Variants in CSMD3 observed in about 807,000 individuals in gnomAD.
The protein encoded by CSMD3 is CUB and sushi domain-containing protein 3.
Under a neutral mutation model 435.2 loss-of-function variants are expected in CSMD3, and 177 were observed. That is an observed-to-expected ratio of 0.41 (90% CI 0.36 to 0.46). The LOEUF is 0.46. CSMD3 is among the 20% of genes least tolerant of loss of function. The pLI is 0.34. For missense variants in CSMD3, 4,265 were observed against 4,504.6 expected (o/e 0.95, Z 1.52); for synonymous variants, 1,656 against 1,520.5 (o/e 1.09, Z -2.07).
intron 23 of CSMD3, among the ~76,000 whole-genome samples, chr8:112,582,769 T>C (rs909430757): frequency 1.3e-5 from 2 of 151,962 alleles, no homozygotes; most frequent in African/African-American, 4.8e-5. Context: ...AGTGAGGCCT[T>C]TGGGAGGCTA....
intron 6 of CSMD3, among the ~76,000 whole-genome samples, chr8:112,985,742 G>GC (rs1261931900): frequency 1.3e-5 from 2 of 152,120 alleles, no homozygotes; most frequent in Non-Finnish European, 2.9e-5. Context: ...AACTGCTCAA[G>GC]CAAGAGATCT....
intron 10 of CSMD3, among the ~76,000 whole-genome samples, chr8:112,882,994 A>C (rs544235762): frequency 6.6e-6 from 1 of 152,132 alleles, no homozygotes; most frequent in African/African-American, 2.4e-5. Flanking sequence ...TGTCAAAATC[A>C]GATGCTGCAT....
intron 4 of CSMD3, among the ~76,000 whole-genome samples, chr8:113,151,702 A>G (rs2091809781): frequency 6.6e-6 from 1 of 151,994 alleles, no homozygotes; most frequent in Non-Finnish European, 1.5e-5. Context: ...GAATCAAACA[A>G]TGTTCTTCTA....
chr8:112,293,849 G>T (rs370274880), intron 54 of CSMD3, among the ~76,000 whole-genome samples: 8 of 152,190 alleles, frequency 5.3e-5, no homozygotes, highest in African/African-American at 1.7e-4. Context: ...TTTTTCAGCT[G>T]TATTGTTAAT....
intron 32 of CSMD3, among the ~76,000 whole-genome samples, chr8:112,428,502 C>G (rs1308133886): frequency 6.6e-6 from 1 of 152,092 alleles, no homozygotes; most frequent in African/African-American, 2.4e-5. Context: ...AATTATTCAA[C>G]AAATATTTAT....
At chr8:112,685,318 A>G in intron 15 of CSMD3, 88 bp downstream of exon 15, 1 of 1,074,558 alleles carries the variant, frequency 9.3e-7, no homozygotes. Context: ...CTTAACTAGG[A>G]AACAAGGGAA....
Position 112,327,892 on chromosome 8 carries a change from T to G in CSMD3, c.7165+7437A>C, listed in dbSNP as rs564331114. Among the ~76,000 whole-genome samples, 6 of 152,348 alleles carry G rather than the reference T, an allele frequency of 3.9e-5. No individual in the cohort carries two copies. In the South Asian group the frequency reaches 1.2e-3, roughly 32 times the overall value. ...TTTCGTTATTTTTAATTTTCTATTT[T>G]CTTTTCAATGAAACATCCAACCCAA... On this transcript the variant is annotated intron_variant, in intron 45 of 70. Coordinates refer to ENST00000297405, the MANE Select transcript of CSMD3 (RefSeq NM_198123.2).
At chr8:112,741,775 T>TAGAGAGA (rs1447061938) in intron 13 of CSMD3, among the ~76,000 whole-genome samples, 346 of 135,584 alleles carry the variant, frequency 2.6e-3, no homozygotes, top group Non-Finnish European at 4.2e-3. Context: ...AGATAGATGA[T>TAGAGAGA]AGATAGATAG....
At chr8:113,175,175 G>C (rs1408817533) in intron 3 of CSMD3, among the ~76,000 whole-genome samples, 1 of 151,690 alleles carries the variant, frequency 6.6e-6, no homozygotes, top group Non-Finnish European at 1.5e-5. Context: ...ACAATATATA[G>C]CTTAATTTTG....
At chr8:112,987,465 C>A (rs1055562970) in intron 6 of CSMD3, among the ~76,000 whole-genome samples, 3 of 152,024 alleles carry the variant, frequency 2.0e-5, no homozygotes, top group Non-Finnish European at 4.4e-5. Flanking sequence ...ATTTATTGAG[C>A]ACTTAGTATT....
intron 13 of CSMD3, among the ~76,000 whole-genome samples, chr8:112,704,359 G>A (rs1187923076): frequency 1.3e-5 from 2 of 152,062 alleles, no homozygotes. Flanking sequence ...CTCTAAATAT[G>A]TTACTTGAAA....
chr8:112,541,103 C>G (rs1029368879), intron 27 of CSMD3, among the ~76,000 whole-genome samples: 1 of 151,574 alleles, frequency 6.6e-6, no homozygotes, highest in Admixed American at 6.6e-5. Flanking sequence ...AACAAAAACA[C>G]GATATGCCAA....
At chr8:113,296,546 C>CAAACA (rs2093723507) in intron 2 of CSMD3, among the ~76,000 whole-genome samples, 1 of 151,904 alleles carries the variant, frequency 6.6e-6, no homozygotes. Context: ...ACCAAACAAA[C>CAAACA]AAACAAAACA....
chr8:112,648,980 A>T (rs1264906494), intron 19 of CSMD3, among the ~76,000 whole-genome samples: 2 of 152,160 alleles, frequency 1.3e-5, no homozygotes, highest in Non-Finnish European at 2.9e-5. Flanking sequence ...TTCTAATTAG[A>T]GTGACAGGGA....
chr8:112,540,194 T>C lies in CSMD3; in HGVS notation c.4564+10477A>G, dbSNP rs139415628. 3.6e-3 allele frequency among the ~76,000 whole-genome samples: 545 copies of C among 152,042 alleles called. 1 individual carries two copies. The highest frequency in any genetic ancestry group is 0.013 in the African/African-American group (521 of 41,524). Reference sequence around the variant, plus strand: ...GGTAAATGAAAAAAATGCTTAACATTACTAATAATCAGGGAAATGCGAATC... The same window carrying C: ...GGTAAATGAAAAAAATGCTTAACATCACTAATAATCAGGGAAATGCGAATC... On this transcript the variant is annotated intron_variant, in intron 27 of 70. Transcript: ENST00000297405.
chr8:113,019,384 T>C (rs2086596140), intron 5 of CSMD3, among the ~76,000 whole-genome samples: 1 of 152,012 alleles, frequency 6.6e-6, no homozygotes, highest in South Asian at 2.1e-4. Context: ...TCCAATCAGG[T>C]TGTGTGTATT....
At chr8:112,375,278 G>T (rs975510490) in intron 38 of CSMD3, among the ~76,000 whole-genome samples, 2 of 152,124 alleles carry the variant, frequency 1.3e-5, no homozygotes, top group African/African-American at 2.4e-5. Flanking sequence ...AATTAGAAAA[G>T]AGATTTGTCT....
At chr8:112,717,039 C>A (rs2076747349) in intron 13 of CSMD3, among the ~76,000 whole-genome samples, 2 of 152,062 alleles carry the variant, frequency 1.3e-5, no homozygotes, top group African/African-American at 2.4e-5. Context: ...ATACCAAAAG[C>A]AATTGCAACA....
intron 16 of CSMD3, among the ~76,000 whole-genome samples, chr8:112,678,368 A>G (rs1430901776): frequency 2.0e-5 from 3 of 152,200 alleles, no homozygotes; most frequent in Non-Finnish European, 2.9e-5. Context: ...CAAGACATCC[A>G]CTAGGAAGAA....
Sources: gnomAD v4.1 joint callset for allele counts (sites outside exome capture counted in the v4.1 genomes callset) on GRCh38, gnomAD v4.1.1 for gene constraint, MANE v1.5 for transcripts, NCBI Gene and HGNC (gene_info 2026-07-23, HGNC 2026-07-21) for gene names.